Variants in YTHDC2 observed in about 807,000 individuals in gnomAD.
The protein encoded by YTHDC2 is 3'-5' RNA helicase YTHDC2.
In YTHDC2, 45 loss-of-function variants were observed where a neutral mutation model predicts 174.9. That is an observed-to-expected ratio of 0.26 (90% CI 0.20 to 0.33). YTHDC2 has a LOEUF of 0.33. YTHDC2 is among the 10% of genes least tolerant of loss of function. The probability of loss-of-function intolerance (pLI) is 1.00; values close to 1 mark genes in which losing one functional copy is unlikely to be tolerated. For missense variants in YTHDC2, 1,650 were observed against 1,723.7 expected, an observed-to-expected ratio of 0.96 and a Z score of 0.76; for synonymous variants, 657 against 574.5, an observed-to-expected ratio of 1.14 and a Z score of -2.05.
rs115458765 is a variant in YTHDC2 at position 113,561,043 on chromosome 5, C to T, written c.2217-37C>T. The T allele has an allele frequency of 1.1e-3, 1,605 of 1,528,180 alleles. 12 individuals carry two copies. In the African/African-American group the frequency reaches 0.014, roughly 14 times the overall value. The allele number at this position is 1,528,180 out of a possible 1,614,324, so 94.7% of individuals were successfully genotyped here. ...TTTACAGTTTATTGTAGCCTTTATT[C>T]GTTGTTTGAGTCCTAATCTTGTACT... On this transcript the variant is annotated intron_variant, in intron 17 of 29. Transcript: ENST00000161863.
rs372187330 is a variant in YTHDC2, at chr5:113,554,929, G to A, written c.2133+907G>A. On this transcript the variant is annotated intron_variant, in intron 16 of 29. Transcript: ENST00000161863. The stretch of plus-strand genomic sequence containing the variant: ...ATCTATTTAGTGGATAAAAATGATC[G>A]TTTTTAATGTGAAAAAAGTAATTGC... 2.9e-3 allele frequency among the ~76,000 whole-genome samples: 442 copies of A among 151,782 alleles called. 3 individuals carry two copies. Among genetic ancestry groups the A allele is most frequent in the African/African-American group, 9.8e-3 (407 of 41,448 alleles).
intron 26 of YTHDC2, among the ~76,000 whole-genome samples, chr5:113,584,743 T>C (rs1291267196): frequency 6.6e-6 from 1 of 151,774 alleles, no homozygotes; most frequent in Non-Finnish European, 1.5e-5. Context: ...GGTAGGCTGT[T>C]TATTATTTCT....
chr5:113,567,680 A>G lies in YTHDC2; in HGVS notation c.3075A>G (p.Ala1025=), dbSNP rs201019516. 1 of 1,604,476 alleles carries G rather than the reference A, an allele frequency of 6.2e-7. No homozygotes were observed. Among genetic ancestry groups the G allele is most frequent in the African/African-American group, 1.3e-5 (1 of 74,578 alleles). The change falls in exon 23 of 30, where the codon GCA becomes GCG. Residue 1025 remains alanine, a synonymous_variant. Transcript: ENST00000161863. ...TTCCTCCAGCCAATGGTCAAGCTGCAGCAATTAAGGCACTGCCCACAGATT... is the reference window on the plus strand; with the variant it reads ...TTCCTCCAGCCAATGGTCAAGCTGCGGCAATTAAGGCACTGCCCACAGATT... ...KKIPPANGQA[A]AIKALPTDWL...
intron 22 of YTHDC2, 88 bp from the exon 23 acceptor site, chr5:113,567,566 C>A: frequency 8.5e-7 from 1 of 1,171,886 alleles, no homozygotes; most frequent in Non-Finnish European, 1.2e-6. Context: ...TCATCTATTT[C>A]ATTGAGAGAC....
At chr5:113,540,699 C>G (rs1470651668) in intron 8 of YTHDC2, among the ~76,000 whole-genome samples, 1 of 152,138 alleles carries the variant, frequency 6.6e-6, no homozygotes, top group Non-Finnish European at 1.5e-5. Context: ...GTCTTTCCCT[C>G]AACACCTGCG....
intron 23 of YTHDC2, among the ~76,000 whole-genome samples, chr5:113,578,392 GTTTT>G (rs145060796): frequency 1.2e-4 from 18 of 148,092 alleles, no homozygotes; most frequent in African/African-American, 3.3e-4. Context: ...GTTTTGTTTT[GTTTT>G]TTTGTGTATG....
chr5:113,593,470 C>T lies in YTHDC2; in HGVS notation c.*8-12C>T, dbSNP rs118129265. The T allele has an allele frequency of 2.4e-5, 28 of 1,159,378 alleles. No homozygotes were observed. The East Asian group carries it at 4.4e-4, about 18-fold the overall frequency. The allele number at this position is 1,159,378 out of a possible 1,614,324, so 71.8% of individuals were successfully genotyped here. A position where few individuals can be genotyped will look rare whatever the true frequency, so the allele number is the denominator to read the frequency against. ...TCAGATTATTTATCTTTTTTTTTCC[C>T]CTTTCTTCTAGAACTCTTAGCTGTG... is the stretch of plus-strand genomic sequence containing the variant. On this transcript the variant is annotated splice_polypyrimidine_tract_variant and intron_variant, in intron 29 of 29. Transcript: ENST00000161863.
intron 13 of YTHDC2, 30 bp from the exon 14 acceptor site, chr5:113,553,559 AT>A: frequency 6.2e-7 from 1 of 1,601,740 alleles, no homozygotes; most frequent in Non-Finnish European, 8.5e-7. Flanking sequence ...TCACAATGAG[AT>A]TTAATATTAA....
At chr5:113,567,487 A>T (rs1777425824) in intron 22 of YTHDC2, among the ~76,000 whole-genome samples, 167 bp from the exon 23 acceptor site, 1 of 151,096 alleles carries the variant, frequency 6.6e-6, no homozygotes, top group Non-Finnish European at 1.5e-5. Context: ...CATGTTAAGT[A>T]ATGAGTACTT....
intron 18 of YTHDC2, among the ~76,000 whole-genome samples, chr5:113,562,668 T>C (rs545109907): frequency 2.8e-4 from 42 of 152,314 alleles, no homozygotes; most frequent in African/African-American, 8.4e-4. Flanking sequence ...TTCACAGGTA[T>C]CTACTCTCTC....
intron 5 of YTHDC2, among the ~76,000 whole-genome samples, chr5:113,533,308 C>T (rs1379444208): frequency 5.3e-5 from 8 of 151,688 alleles, no homozygotes; most frequent in African/African-American, 9.7e-5. Context: ...TTTGGGAGGC[C>T]GAGGCGGGTG....
chr5:113,544,585 TCTAA>T (rs1775722421), intron 10 of YTHDC2, among the ~76,000 whole-genome samples: 1 of 152,218 alleles, frequency 6.6e-6, no homozygotes, highest in Non-Finnish European at 1.5e-5. Flanking sequence ...TGATGTGAAA[TCTAA>T]CTACATAGCA....
chr5:113,581,774 A>G (rs1185683332), intron 25 of YTHDC2, 65 bp downstream of exon 25: 2 of 1,288,064 alleles, frequency 1.6e-6, no homozygotes, highest in Non-Finnish European at 2.0e-6. Flanking sequence ...TATTTATCTT[A>G]GAATCATGTG....
intron 2 of YTHDC2, among the ~76,000 whole-genome samples, chr5:113,520,701 A>G (rs1773804039): frequency 6.6e-6 from 1 of 152,174 alleles, no homozygotes; most frequent in South Asian, 2.1e-4. Flanking sequence ...GTTCTTTCTT[A>G]TACATTAAAT....
chr5:113,584,429 A>G lies in YTHDC2; in HGVS notation c.3775A>G (p.Ser1259Gly), dbSNP rs146036875. The change falls in exon 26 of 30, where the codon AGT (serine) becomes GGT (glycine). Residue 1259 changes from serine to glycine, a missense_variant. Physicochemically the swap from Ser to Gly is moderately conservative, Grantham distance 56 (BLOSUM62 0). Around this residue, in one of 5 missense-constraint regions of YTHDC2, gnomAD observed 913 missense variants for 940.4 expected, o/e 0.97. Coordinates refer to ENST00000161863, the MANE Select transcript of YTHDC2 (RefSeq NM_022828.5). ...DQSSLKSTDS[S>G]SYPSPCASPS... Reference sequence around the variant, plus strand: ...GTCTTCTCTGAAATCTACAGACAGCAGTAGTTACCCAAGTCCTTGTGCTAG... The same window carrying G: ...GTCTTCTCTGAAATCTACAGACAGCGGTAGTTACCCAAGTCCTTGTGCTAG... 4 of 1,613,848 alleles carry G rather than the reference A, an allele frequency of 2.5e-6. No individual in the cohort carries two copies. The African/African-American group carries it at 5.3e-5, about 22-fold the overall frequency.
chr5:113,555,080 A>C (rs1463641399), intron 16 of YTHDC2, among the ~76,000 whole-genome samples: 1 of 152,050 alleles, frequency 6.6e-6, no homozygotes, highest in Non-Finnish European at 1.5e-5. Context: ...ATAGTACATT[A>C]ATGAGTATTA....
intron 26 of YTHDC2, among the ~76,000 whole-genome samples, chr5:113,588,511 T>A (rs1306638491): frequency 4.6e-5 from 7 of 152,086 alleles, no homozygotes; most frequent in Non-Finnish European, 1.0e-4. Context: ...TTGGGAAGTG[T>A]TTGTCCCACT....
At chr5:113,540,904 A>C in intron 8 of YTHDC2, 64 bp from the exon 9 acceptor site, 1 of 1,483,934 alleles carries the variant, frequency 6.7e-7, no homozygotes, top group Non-Finnish European at 9.1e-7. Context: ...TTATTTAAAC[A>C]AAGGAATACA....
At chr5:113,579,893 T>C (rs1256513177) in intron 24 of YTHDC2, 198 bp downstream of exon 24, 2 of 985,284 alleles carry the variant, frequency 2.0e-6, no homozygotes, top group African/African-American at 3.5e-5. Flanking sequence ...GAAAACCTAG[T>C]TGTGGCTCAT....
Sources: gnomAD v4.1 joint callset for allele counts (sites outside exome capture counted in the v4.1 genomes callset) on GRCh38, gnomAD v4.1.1 for gene constraint, gnomAD v4.1.1 regional missense constraint, MANE v1.5 for transcripts, NCBI Gene and HGNC (gene_info 2026-07-23, HGNC 2026-07-21) for gene names.